Variants in SLC6A15 observed in about 807,000 individuals in gnomAD.
SLC6A15 encodes the protein solute carrier family 6 member 15, also known as sodium-dependent neutral amino acid transporter B(0)AT2.
SLC6A15 carries 33 observed loss-of-function variants against 68.5 expected under a neutral mutation model. That is an observed-to-expected ratio of 0.48 (90% confidence interval 0.37 to 0.64). SLC6A15 has a LOEUF of 0.64. Ranked by LOEUF, SLC6A15 falls within the 30% of genes least tolerant of loss-of-function variation. The probability of loss-of-function intolerance (pLI) is 0.00; values close to 1 mark genes in which losing one functional copy is unlikely to be tolerated. For synonymous variants in SLC6A15, 347 were observed against 301.0 expected (o/e 1.15, Z -1.58); for missense variants, 747 against 874.3 (o/e 0.85, Z 1.84).
chr12:84,873,037 T>C (rs1871356740), intron 7 of SLC6A15, 50 bp downstream of exon 7: 2 of 1,573,690 alleles, frequency 1.3e-6, no homozygotes, highest in Admixed American at 3.6e-5. Context: ...AAAGTATAAA[T>C]AACAAGATAA....
chr12:84,886,798 G>T, intron 2 of SLC6A15, among the ~76,000 whole-genome samples: 1 of 152,104 alleles, frequency 6.6e-6, no homozygotes, highest in South Asian at 2.1e-4. Flanking sequence ...ATTTTAAAAA[G>T]TATTTTTTAG....
intron 1 of SLC6A15, chr12:84,911,997 G>C (rs1873489658): frequency 6.6e-6 from 1 of 152,082 alleles, no homozygotes; most frequent in African/African-American, 2.4e-5. Flanking sequence ...GTCGCCTTCT[G>C]CCTTTGCTAA....
At chr12:84,867,558 G>C (rs1215626002) in intron 9 of SLC6A15, 1 of 154,362 alleles carries the variant, frequency 6.5e-6, no homozygotes, top group African/African-American at 2.4e-5. Context: ...AATATTTATA[G>C]GTCATTTATT....
chr12:84,901,443 A>G (rs1005521489), intron 1 of SLC6A15, among the ~76,000 whole-genome samples: 3 of 151,668 alleles, frequency 2.0e-5, no homozygotes, highest in African/African-American at 7.3e-5. Context: ...ATTCGTCATC[A>G]TATCTTATCT....
chr12:84,879,663 A>G (rs1421569197), intron 5 of SLC6A15, among the ~76,000 whole-genome samples: 1 of 151,804 alleles, frequency 6.6e-6, no homozygotes, highest in African/African-American at 2.4e-5. Context: ...TACTCCACTT[A>G]GTATGTTCTA....
intron 5 of SLC6A15, chr12:84,881,539 A>G (rs1871820500): frequency 1.0e-6 from 1 of 985,394 alleles, no homozygotes; most frequent in Non-Finnish European, 1.2e-6. Context: ...ACCTAGCCCA[A>G]AGGACAATGT....
chr12:84,867,375 C>G (rs893159899), intron 9 of SLC6A15, 182 bp from the exon 10 acceptor site: 1 of 374,382 alleles, frequency 2.7e-6, no homozygotes, highest in African/African-American at 2.1e-5. Context: ...CTGGGTGTAG[C>G]CTCAACATTC....
intron 1 of SLC6A15, among the ~76,000 whole-genome samples, chr12:84,909,966 T>C (rs1873358908): frequency 6.6e-6 from 1 of 152,170 alleles, no homozygotes; most frequent in South Asian, 2.1e-4. Context: ...ATACGGACTT[T>C]AGAGTTTAGT....
intron 8 of SLC6A15, among the ~76,000 whole-genome samples, chr12:84,871,924 G>A (rs556511989): frequency 1.7e-4 from 26 of 152,222 alleles, no homozygotes; most frequent in African/African-American, 5.5e-4. Flanking sequence ...AGGCCAAGGC[G>A]GGCAGATCAT....
intron 5 of SLC6A15, chr12:84,881,822 T>A: frequency 1.0e-6 from 1 of 980,148 alleles, no homozygotes; most frequent in Non-Finnish European, 1.2e-6. Flanking sequence ...TCATTGTTAT[T>A]ATATTTAACT....
chr12:84,885,831 C>G (rs1872073334), intron 3 of SLC6A15, 80 bp downstream of exon 3: 4 of 1,384,472 alleles, frequency 2.9e-6, no homozygotes, highest in Non-Finnish European at 3.9e-6. Flanking sequence ...AACACACACT[C>G]CAAAGTTTCA....
chr12:84,909,343 C>T (rs924783824), intron 1 of SLC6A15, among the ~76,000 whole-genome samples: 67 of 152,196 alleles, frequency 4.4e-4, no homozygotes, highest in African/African-American at 1.5e-3. Context: ...ACACAACTTA[C>T]AGCTCTGCCC....
chr12:84,861,471 G>T lies in SLC6A15; in HGVS notation c.*161C>A. ...CAAATGTAAACCAAAGAATCCAAAA[G>T]AATGCTCAAGTTGAACTGACATATA... On this transcript the variant is annotated 3_prime_UTR_variant, in exon 12 of 12. Transcript: ENST00000266682. 1.4e-6 allele frequency: 1 copy of T among 735,192 alleles called. No individual in the cohort carries two copies. 45.5% of individuals were successfully genotyped at this position (735,192 alleles called of 1,614,324 possible). A position where few individuals can be genotyped will look rare whatever the true frequency, so the allele number is the denominator to read the frequency against.
chr12:84,862,979 C>T (rs1302353201), intron 11 of SLC6A15, among the ~76,000 whole-genome samples: 2 of 151,996 alleles, frequency 1.3e-5, no homozygotes, highest in African/African-American at 4.8e-5. Context: ...TTTGTAGAGA[C>T]AGGGATTCTC....
intron 1 of SLC6A15, among the ~76,000 whole-genome samples, chr12:84,896,701 A>G (rs1284320652): frequency 2.0e-5 from 3 of 152,268 alleles, no homozygotes. Context: ...GATAGTGGAC[A>G]CAGGAAGAAA....
rs575840406 is a variant in SLC6A15 at position 84,870,615 on chromosome 12, A to T, written c.1358T>A (p.Phe453Tyr). ...FIAFTEAMTH[F>Y]PASPFWSVMF... is the part of the protein sequence containing the mutation. ...CACTGACCAGAAGGGAGATGCAGGAAAATGTGTCATCGCTTCTGTAAAGGC... is the reference window on the plus strand; with the variant it reads ...CACTGACCAGAAGGGAGATGCAGGATAATGTGTCATCGCTTCTGTAAAGGC... The change falls in exon 9 of 12, where the codon TTT becomes TAT. Residue 453 changes from phenylalanine (F) to tyrosine (Y), a missense_variant. Phe to Tyr is a conservative substitution (Grantham distance 22). Coordinates refer to ENST00000266682, the MANE Select transcript of SLC6A15 (RefSeq NM_182767.6). The T allele has an allele frequency of 8.4e-5, 136 of 1,612,516 alleles. No individual in the cohort carries two copies. In the South Asian group the frequency reaches 1.4e-3, roughly 17 times the overall value.
intron 9 of SLC6A15, chr12:84,867,789 A>G (rs1871122763): frequency 6.6e-6 from 1 of 152,236 alleles, no homozygotes; most frequent in Non-Finnish European, 1.5e-5. Context: ...GAAACAAATT[A>G]TAATGGAGTT....
intron 1 of SLC6A15, among the ~76,000 whole-genome samples, chr12:84,904,060 T>C (rs76857083): frequency 0.041 from 6,187 of 152,090 alleles, 391 homozygotes; most frequent in African/African-American, 0.14. Flanking sequence ...GACCAGAAGG[T>C]AGCAGCAGTG....
chr12:84,865,901 G>A (rs939623022), intron 10 of SLC6A15, among the ~76,000 whole-genome samples: 2 of 152,048 alleles, frequency 1.3e-5, no homozygotes, highest in Admixed American at 1.3e-4. Flanking sequence ...AAACACCCAC[G>A]TGCAGAATTT....
Sources: allele counts gnomAD v4.1 joint callset (sites outside exome capture counted in the v4.1 genomes callset), GRCh38; gene constraint gnomAD v4.1.1; transcripts MANE v1.5; gene names NCBI Gene and HGNC (gene_info 2026-07-23, HGNC 2026-07-21).